Variants in FREM1 observed in about 807,000 individuals in gnomAD.
FREM1 encodes FRAS1-related extracellular matrix protein 1.
In FREM1, 220 loss-of-function variants were observed where a neutral mutation model predicts 210.1. That is an observed-to-expected ratio of 1.05 (90% CI 0.94 to 1.17). FREM1 has a LOEUF of 1.17. FREM1 is among the 50% of genes most tolerant of loss of function. The pLI, the probability that FREM1 is intolerant of heterozygous loss-of-function variation, is 0.00. For missense variants in FREM1, 3,454 were observed against 2,675.5 expected, an observed-to-expected ratio of 1.29 and a Z score of -6.42; for synonymous variants, 1,189 against 980.2, an observed-to-expected ratio of 1.21 and a Z score of -3.98.
At chr9:14,777,303 T>A (rs1179537563) in intron 24 of FREM1, among the ~76,000 whole-genome samples, 1 of 152,228 alleles carries the variant, frequency 6.6e-6, no homozygotes, top group African/African-American at 2.4e-5. Context: ...CTTTGTAGCA[T>A]TACAATATGT....
chr9:14,864,610 T>A (rs1300023071), intron 2 of FREM1, among the ~76,000 whole-genome samples: 1 of 152,186 alleles, frequency 6.6e-6, no homozygotes, highest in African/African-American at 2.4e-5. Flanking sequence ...ATTAGGAGAT[T>A]GTTAACTGTT....
Position 14,806,834 on chromosome 9 carries a change from A to G in FREM1, c.3101T>C (p.Val1034Ala), listed in dbSNP as rs1357661057. 6.3e-7 allele frequency: 1 copy of G among 1,599,470 alleles called. No homozygotes were observed. The change falls in exon 18 of 37, where the codon GTT becomes GCT. Residue 1034 changes from valine (V) to alanine (A), a missense_variant. Coordinates refer to ENST00000380880, the MANE Select transcript of FREM1 (RefSeq NM_001379081.2). ...GGCTGTTGAGCAGCCCTCATCTACA[A>G]CAAACACGGGACCTGCATACAAATA... ...PPSIAIGPVF[V>A]VDEGCSTALT...
intron 13 of FREM1, among the ~76,000 whole-genome samples, chr9:14,821,004 G>A (rs907237647): frequency 2.0e-4 from 31 of 152,134 alleles, no homozygotes; most frequent in Middle Eastern, 3.4e-3. Context: ...ATATATTTTA[G>A]GGCAACTTTC....
At chr9:14,872,946 G>C (rs1478983968) in intron 1 of FREM1, among the ~76,000 whole-genome samples, 1 of 150,114 alleles carries the variant, frequency 6.7e-6, no homozygotes, top group Non-Finnish European at 1.5e-5. Flanking sequence ...TTTGTCTTTG[G>C]TTCTGTTTAT....
chr9:14,898,846 G>A (rs13293937), intron 1 of FREM1, among the ~76,000 whole-genome samples: 18,181 of 152,160 alleles, frequency 0.12, 1,432 homozygotes, highest in East Asian at 0.29. Context: ...ACAAATGCAC[G>A]ACACTAATGC....
intron 20 of FREM1, among the ~76,000 whole-genome samples, chr9:14,799,255 C>T (rs1588054263): frequency 6.6e-6 from 1 of 150,868 alleles, no homozygotes; most frequent in South Asian, 2.1e-4. Context: ...AACCACAATC[C>T]AGCCTAAGTG....
chr9:14,831,818 T>C (rs1482146116), intron 10 of FREM1, among the ~76,000 whole-genome samples: 1 of 152,148 alleles, frequency 6.6e-6, no homozygotes, highest in Non-Finnish European at 1.5e-5. Context: ...ACAGAGTGAC[T>C]AAGGCCCAAA....
chr9:14,776,786 C>A (rs1003897186), intron 24 of FREM1, among the ~76,000 whole-genome samples: 1 of 152,270 alleles, frequency 6.6e-6, no homozygotes, highest in South Asian at 2.1e-4. Flanking sequence ...CCCTTCCAGG[C>A]CTCATTTCCA....
chr9:14,812,520 A>G (rs1819585865), intron 16 of FREM1, among the ~76,000 whole-genome samples: 1 of 152,166 alleles, frequency 6.6e-6, no homozygotes, highest in Non-Finnish European at 1.5e-5. Flanking sequence ...GATCAAACTG[A>G]CCAAAAACGC....
chr9:14,806,852 T>A lies in FREM1; in HGVS notation c.3089-6A>T. The stretch of plus-strand genomic sequence containing the variant: ...ATCTACAACAAACACGGGACCTGCA[T>A]ACAAATAAAAACACAATTACAACTT... On this transcript the variant is annotated splice_polypyrimidine_tract_variant and splice_region_variant and intron_variant, in intron 17 of 36. Coordinates refer to ENST00000380880, the MANE Select transcript of FREM1 (RefSeq NM_001379081.2). The A allele has an allele frequency of 6.4e-7, 1 of 1,566,758 alleles. No individual in the cohort carries two copies. The highest frequency in any genetic ancestry group is 1.2e-5 in the South Asian group (1 of 85,586).
chr9:14,786,826 G>A (rs942539420), intron 23 of FREM1, among the ~76,000 whole-genome samples: 2 of 152,178 alleles, frequency 1.3e-5, no homozygotes, highest in African/African-American at 2.4e-5. Flanking sequence ...AGCCACAGAT[G>A]CTACAGACAG....
At chr9:14,870,760 C>G (rs1832505104) in intron 1 of FREM1, among the ~76,000 whole-genome samples, 1 of 150,752 alleles carries the variant, frequency 6.6e-6, no homozygotes, top group South Asian at 2.1e-4. Context: ...CCCATTAACT[C>G]GTCACTTAGC....
chr9:14,773,722 C>T (rs1159398856), intron 25 of FREM1, among the ~76,000 whole-genome samples: 5 of 151,650 alleles, frequency 3.3e-5, no homozygotes, highest in African/African-American at 1.2e-4. Context: ...AGATAACTCT[C>T]TTACAATAGC....
intron 12 of FREM1, among the ~76,000 whole-genome samples, chr9:14,823,822 G>T (rs2130811685): frequency 6.6e-6 from 1 of 152,272 alleles, no homozygotes; most frequent in Admixed American, 6.5e-5. Context: ...TTACTGAAAA[G>T]ATTGTGAAAC....
At chr9:14,760,422 G>A (rs1305310237) in intron 27 of FREM1, among the ~76,000 whole-genome samples, 1 of 152,126 alleles carries the variant, frequency 6.6e-6, no homozygotes, top group Non-Finnish European at 1.5e-5. Flanking sequence ...AAATGTACAT[G>A]TGTTTCATAA....
intron 21 of FREM1, among the ~76,000 whole-genome samples, chr9:14,796,955 G>C: frequency 6.6e-6 from 1 of 152,198 alleles, no homozygotes; most frequent in East Asian, 1.9e-4. Context: ...TTTAGAAAAT[G>C]ATGATTTCGA....
At chr9:14,808,512 C>A (rs888267219) in intron 16 of FREM1, among the ~76,000 whole-genome samples, 2 of 152,136 alleles carry the variant, frequency 1.3e-5, no homozygotes, top group African/African-American at 4.8e-5. Flanking sequence ...AGAAGGCAAC[C>A]TTTTCCCTTT....
chr9:14,800,212 G>A (rs1376872680), intron 20 of FREM1, among the ~76,000 whole-genome samples: 1 of 152,196 alleles, frequency 6.6e-6, no homozygotes, highest in South Asian at 2.1e-4. Context: ...GCACAGAGAA[G>A]GAGTGGTTTG....
At position 14,910,188 on chromosome 9, in the gene FREM1, C is replaced by T. The variant is rs1203142730; in HGVS notation, c.-542G>A. The T allele has an allele frequency of 6.6e-6, 1 of 152,350 alleles. No individual in the cohort carries two copies. The highest frequency in any genetic ancestry group is 2.4e-5 in the African/African-American group (1 of 41,478). 9.4% of individuals were successfully genotyped at this position (152,350 alleles called of 1,614,324 possible). On this transcript the variant is annotated 5_prime_UTR_variant, in exon 1 of 37. Coordinates refer to ENST00000380880, the MANE Select transcript of FREM1 (RefSeq NM_001379081.2). ...CTTTCTTTGCTGGTCTTCTCCAAGG[C>T]AGCTGCTGCAGCTTTGCAAACTTCC...
Sources: gnomAD v4.1 joint callset for allele counts (sites outside exome capture counted in the v4.1 genomes callset) on GRCh38, gnomAD v4.1.1 for gene constraint, MANE v1.5 for transcripts, NCBI Gene and HGNC (gene_info 2026-07-23, HGNC 2026-07-21) for gene names.